Variants in HTT observed in about 807,000 individuals in gnomAD.
The protein encoded by HTT is huntingtin.
Under a neutral mutation model 362.3 loss-of-function variants are expected in HTT, and 104 were observed. The ratio of observed to expected loss-of-function variants is 0.29; its 90% confidence interval spans 0.24 to 0.34. The LOEUF (loss-of-function observed/expected upper bound fraction) is 0.34, where lower values mean the gene tolerates loss of function less well. Ranked by LOEUF, HTT falls within the 10% of genes least tolerant of loss-of-function variation. The pLI is 1.00. For missense variants in HTT, 3,301 were observed against 3,928.6 expected (o/e 0.84, Z 4.27); for synonymous variants, 1,577 against 1,548.7 (o/e 1.02, Z -0.43).
intron 21 of HTT, among the ~76,000 whole-genome samples, chr4:3,138,892 C>T (rs1051224263): frequency 6.6e-6 from 1 of 152,120 alleles, no homozygotes; most frequent in Non-Finnish European, 1.5e-5. Flanking sequence ...GGATTACAGG[C>T]GTGAGCTACC....
Position 3,132,665 on chromosome 4 carries a change from CAG to C in HTT, c.2341_2342del (p.Ser781GlnfsTer14). The C allele has an allele frequency of 6.2e-7, 1 of 1,614,138 alleles. No individual in the cohort carries two copies. Among genetic ancestry groups the C allele is most frequent in the Non-Finnish European group, 8.5e-7 (1 of 1,179,978 alleles). ...GTGGGACCCTCATCTGCTCCATCCT[CAG>C]CAGGTCCCGCTTCCACGTGGGAGAT... is the stretch of plus-strand genomic sequence containing the variant. ...LCGTLICSILSRSRFHVGDWM... is the reference protein window; with the variant it reads ...LCGTLICSILXRSRFHVGDWM... On this transcript the variant is annotated frameshift_variant, in exon 17 of 67. Transcript: ENST00000355072. LOFTEE classifies it high-confidence loss of function.
At chr4:3,216,617 G>A (rs1346516392) in intron 51 of HTT, among the ~76,000 whole-genome samples, 1 of 152,236 alleles carries the variant, frequency 6.6e-6, no homozygotes, top group Non-Finnish European at 1.5e-5. Context: ...AGTGGGTTCT[G>A]TTTGGGTGAA....
At position 3,180,492 on chromosome 4, in the gene HTT, A is replaced by G. The variant is rs201368796; in HGVS notation, c.4613-23A>G. On this transcript the variant is annotated intron_variant, in intron 35 of 66. Transcript: ENST00000355072. The stretch of plus-strand genomic sequence containing the variant: ...TGTAATTTCCATGAAATGCCTGATA[A>G]GGGTACCCTTTTGTCCCCACAGCCA... The G allele has an allele frequency of 2.8e-3, 4,262 of 1,537,534 alleles. 20 individuals carry two copies. The highest frequency in any genetic ancestry group is 3.3e-3 in the Non-Finnish European group (3,797 of 1,143,568).
intron 14 of HTT, 55 bp from the exon 15 acceptor site, chr4:3,131,231 T>C: frequency 3.2e-6 from 4 of 1,243,818 alleles, no homozygotes; most frequent in East Asian, 2.3e-5. Context: ...AATGAACTAA[T>C]GCATGAATGT....
At chr4:3,115,170 G>A in intron 6 of HTT, 134 bp from the exon 7 acceptor site, 1 of 879,050 alleles carries the variant, frequency 1.1e-6, no homozygotes, top group Non-Finnish European at 1.7e-6. Flanking sequence ...CTTCAGTTCA[G>A]CTGTAGGAAA....
intron 21 of HTT, among the ~76,000 whole-genome samples, chr4:3,138,928 A>G (rs1371263748): frequency 6.6e-6 from 1 of 152,096 alleles, no homozygotes; most frequent in African/African-American, 2.4e-5. Context: ...TTCTTTTTAA[A>G]ATAACTTACC....
intron 40 of HTT, among the ~76,000 whole-genome samples, chr4:3,189,585 T>C (rs1398193795): frequency 6.6e-6 from 1 of 152,172 alleles, no homozygotes; most frequent in East Asian, 1.9e-4. Flanking sequence ...AATTCATAGA[T>C]ATAGAAAGTA....
chr4:3,172,287 G>C (rs747726990), intron 29 of HTT, 33 bp from the exon 30 acceptor site: 5 of 1,180,070 alleles, frequency 4.2e-6, no homozygotes, highest in Non-Finnish European at 6.4e-6. Flanking sequence ...GGTCATCTCT[G>C]AGTCGCTTAA....
chr4:3,229,278 GCA>G (rs1471398085), intron 59 of HTT, among the ~76,000 whole-genome samples: 6 of 63,806 alleles, frequency 9.4e-5, no homozygotes, highest in African/African-American at 1.7e-4. Context: ...CATGCCACAT[GCA>G]CACACACTCC....
In HTT at chr4:3,121,262, A is replaced by G; in HGVS notation, c.1103A>G (p.Gln368Arg). The change falls in exon 9 of 67, where the codon CAA becomes CGA. Residue 368 changes from glutamine (Q) to arginine (R), a missense_variant. By Grantham distance (43) the Gln-to-Arg change is conservative. Around this residue, in one of 4 missense-constraint regions of HTT, gnomAD observed 2,316 missense variants for 2,658.5 expected, o/e 0.87. Transcript: ENST00000355072. ...CTGACGTTACATCATACACAGCACC[A>G]AGACCACAATGTTGTGACCGGAGCC... ...YELTLHHTQH[Q>R]DHNVVTGALE... 1 of 1,614,182 alleles carries G rather than the reference A, an allele frequency of 6.2e-7. No individual in the cohort carries two copies. Among genetic ancestry groups the G allele is most frequent in the Non-Finnish European group, 8.5e-7 (1 of 1,179,972 alleles).
rs545370427 is a variant in HTT at position 3,131,017 on chromosome 4, A to G, written c.1987-269A>G. On this transcript the variant is annotated intron_variant, in intron 14 of 66. Transcript: ENST00000355072. ...AGCCGTTCCTGAATGCCTAGTGTCA[A>G]CTGCCTTCTTACCACGCCCACCCTC... 2.6e-5 allele frequency among the ~76,000 whole-genome samples: 4 copies of G among 152,006 alleles called. No homozygotes were observed. In the South Asian group the frequency reaches 8.3e-4, roughly 32 times the overall value.
Position 3,240,331 on chromosome 4 carries a change from G to C in HTT, c.*272G>C. On this transcript the variant is annotated 3_prime_UTR_variant, in exon 67 of 67. Coordinates refer to ENST00000355072, the MANE Select transcript of HTT (RefSeq NM_001388492.1). The stretch of plus-strand genomic sequence containing the variant: ...GTGCTGCACCCCATGTGGGTGACCA[G>C]GTCCTTTCTCCTGATAGTCACCTGC... 2 of 512,830 alleles carry C rather than the reference G, an allele frequency of 3.9e-6. No individual in the cohort carries two copies. The highest frequency in any genetic ancestry group is 6.8e-5 in the Admixed American group (2 of 29,244). The allele number at this position is 512,830 out of a possible 1,614,324, so 31.8% of individuals were successfully genotyped here. A position where few individuals can be genotyped will look rare whatever the true frequency, so the allele number is the denominator to read the frequency against.
intron 21 of HTT, among the ~76,000 whole-genome samples, chr4:3,138,425 A>T (rs772097710): frequency 6.6e-6 from 1 of 152,044 alleles, no homozygotes; most frequent in Non-Finnish European, 1.5e-5. Flanking sequence ...AATGTCCATT[A>T]TACCACACTG....
At position 3,239,869 on chromosome 4, in the gene HTT, T is replaced by C. The variant is rs780912358; in HGVS notation, c.9239T>C (p.Met3080Thr). ...AAILPHVISRMGKLEQVDVNL... is the reference protein window; with the variant it reads ...AAILPHVISRTGKLEQVDVNL... ...AGCCTCCCACATGTCATCAGCAGGA[T>C]GGGCAAGCTGGAGCAGGTGGACGTG... The change falls in exon 67 of 67, where the codon ATG becomes ACG. Residue 3080 changes from methionine to threonine, a missense_variant. By Grantham distance (81) the Met-to-Thr change is moderately conservative. Coordinates refer to ENST00000355072, the MANE Select transcript of HTT (RefSeq NM_001388492.1). 6.4e-7 allele frequency: 1 copy of C among 1,561,590 alleles called. No individual in the cohort carries two copies.
intron 2 of HTT, among the ~76,000 whole-genome samples, chr4:3,089,940 A>C (rs1578488628): frequency 1.3e-5 from 2 of 152,344 alleles, no homozygotes; most frequent in Admixed American, 1.3e-4. Context: ...GAGCATGTTA[A>C]AAGGAGTTTT....
In HTT at chr4:3,140,616, A is replaced by G. The variant is rs899343740; in HGVS notation, c.2905A>G (p.Thr969Ala). ...TTACCTGAAACTTCTCATGCATGAGACGCAGCCTCCATCTCATTTCTCCGT... is the reference window on the plus strand; with the variant it reads ...TTACCTGAAACTTCTCATGCATGAGGCGCAGCCTCCATCTCATTTCTCCGT... ...SVYLKLLMHE[T>A]QPPSHFSVST... The change falls in exon 22 of 67, where the codon ACG becomes GCG. Residue 969 changes from threonine to alanine, a missense_variant. Physicochemically the swap from Thr to Ala is moderately conservative, Grantham distance 58. Transcript: ENST00000355072. The G allele has an allele frequency of 1.2e-6, 2 of 1,614,178 alleles. No homozygotes were observed. Among genetic ancestry groups the G allele is most frequent in the Admixed American group, 3.3e-5 (2 of 60,024 alleles).
chr4:3,108,615 T>C (rs1294075127), intron 6 of HTT, among the ~76,000 whole-genome samples: 2 of 152,242 alleles, frequency 1.3e-5, no homozygotes, highest in Non-Finnish European at 2.9e-5. Flanking sequence ...ATCATTTTCA[T>C]GATTTCGATC....
chr4:3,102,104 C>T (rs2110158308), intron 3 of HTT, among the ~76,000 whole-genome samples: 2 of 152,130 alleles, frequency 1.3e-5, no homozygotes, highest in South Asian at 4.2e-4. Context: ...GAAGAGTGAC[C>T]CGGTGAGGAC....
intron 29 of HTT, among the ~76,000 whole-genome samples, chr4:3,164,744 C>T (rs548096394): frequency 3.3e-5 from 5 of 152,144 alleles, no homozygotes; most frequent in African/African-American, 1.2e-4. Context: ...GATTGCAATC[C>T]CTGCTTTTTT....
Sources: allele counts gnomAD v4.1 joint callset (sites outside exome capture counted in the v4.1 genomes callset), GRCh38; gene constraint gnomAD v4.1.1; regional missense constraint gnomAD v4.1.1; transcripts MANE v1.5; gene names NCBI Gene and HGNC (gene_info 2026-07-23, HGNC 2026-07-21).